Variants in RTKN2 observed in about 807,000 individuals in gnomAD.
RTKN2 encodes the protein rhotekin 2, also known as rhotekin-2.
In RTKN2, 69 loss-of-function variants were observed where a neutral mutation model predicts 71.5. The ratio of observed to expected loss-of-function variants is 0.96; its 90% CI spans 0.79 to 1.18. The LOEUF (loss-of-function observed/expected upper bound fraction) is 1.18, where lower values mean the gene tolerates loss of function less well. RTKN2 is among the 50% of genes most tolerant of loss of function. The pLI is 0.00. For missense variants in RTKN2, 724 were observed against 719.7 expected (o/e 1.01, Z -0.07); for synonymous variants, 236 against 236.5 (o/e 1.00, Z 0.02).
In RTKN2 at chr10:62,193,293, A is replaced by G. The variant is rs1244420198; in HGVS notation, c.*4615T>C. On this transcript the variant is annotated 3_prime_UTR_variant, in exon 12 of 12. Coordinates refer to ENST00000373789, the MANE Select transcript of RTKN2 (RefSeq NM_145307.4). Reference sequence around the variant, plus strand: ...AATCTACCTCTCCTTTAGTAGTTACATTAAGAGATTACCATGTCTCAAGAG... The same window carrying G: ...AATCTACCTCTCCTTTAGTAGTTACGTTAAGAGATTACCATGTCTCAAGAG... 3 of 975,208 alleles carry G rather than the reference A, an allele frequency of 3.1e-6. No homozygotes were observed. The highest frequency in any genetic ancestry group is 3.7e-6 in the Non-Finnish European group (3 of 820,716). The allele number at this position is 975,208 out of a possible 1,614,324, so 60.4% of individuals were successfully genotyped here.
chr10:62,231,142 T>C (rs1412195909), intron 6 of RTKN2, among the ~76,000 whole-genome samples: 2 of 152,178 alleles, frequency 1.3e-5, no homozygotes, highest in Non-Finnish European at 2.9e-5. Context: ...TATTATAAAA[T>C]GTAGTATTAG....
chr10:62,265,230 A>G (rs1393723779), intron 1 of RTKN2, among the ~76,000 whole-genome samples: 1 of 152,090 alleles, frequency 6.6e-6, no homozygotes, highest in Non-Finnish European at 1.5e-5. Flanking sequence ...GGGTCAGAAA[A>G]CTATGGCCTG....
intron 1 of RTKN2, among the ~76,000 whole-genome samples, chr10:62,268,312 G>A (rs1842902467): frequency 6.6e-6 from 1 of 152,242 alleles, no homozygotes; most frequent in African/African-American, 2.4e-5. Context: ...ACGCGCGCCT[G>A]GACCCCGGCA....
chr10:62,213,344 T>G (rs1841700541), intron 9 of RTKN2, among the ~76,000 whole-genome samples: 1 of 152,194 alleles, frequency 6.6e-6, no homozygotes, highest in Non-Finnish European at 1.5e-5. Flanking sequence ...ATGAGCCTCC[T>G]AACGGGAGGC....
intron 1 of RTKN2, among the ~76,000 whole-genome samples, chr10:62,265,129 T>C (rs553472995): frequency 8.5e-5 from 13 of 152,240 alleles, no homozygotes; most frequent in Admixed American, 2.0e-4. Context: ...TGTAAAAAGT[T>C]TGAAGATGAT....
chr10:62,195,991 G>T lies in RTKN2; in HGVS notation c.*1917C>A. 1 of 984,586 alleles carries T rather than the reference G, an allele frequency of 1.0e-6. No homozygotes were observed. Among genetic ancestry groups the T allele is most frequent in the African/African-American group, 1.7e-5 (1 of 57,166 alleles). The allele number at this position is 984,586 out of a possible 1,614,324, so 61.0% of individuals were successfully genotyped here. A position where few individuals can be genotyped will look rare whatever the true frequency, so the allele number is the denominator to read the frequency against. On this transcript the variant is annotated 3_prime_UTR_variant, in exon 12 of 12. Coordinates refer to ENST00000373789, the MANE Select transcript of RTKN2 (RefSeq NM_145307.4). ...TTATCTGCATGAGGAAAAATGACAA[G>T]AATATAATCTGGAAGTTTTAATACT...
intron 6 of RTKN2, among the ~76,000 whole-genome samples, chr10:62,229,395 G>A (rs1372477966): frequency 6.6e-6 from 1 of 152,128 alleles, no homozygotes; most frequent in Non-Finnish European, 1.5e-5. Flanking sequence ...CTGGTGCAAG[G>A]TCATGAAACT....
intron 6 of RTKN2, among the ~76,000 whole-genome samples, chr10:62,229,175 G>A (rs1009541756): frequency 1.8e-4 from 27 of 152,310 alleles, no homozygotes; most frequent in African/African-American, 6.5e-4. Flanking sequence ...CAAAAGAAGA[G>A]AGATGCTAGG....
At chr10:62,186,000 T>A (rs1841129170) in intron 8 of RTKN2, among the ~76,000 whole-genome samples, 1 of 152,156 alleles carries the variant, frequency 6.6e-6, no homozygotes, top group Admixed American at 6.5e-5. Flanking sequence ...CTTAGAAGAG[T>A]TAAGTTGAAC....
At position 62,217,251 on chromosome 10, in the gene RTKN2, T is replaced by TTAA; in HGVS notation, c.889-3_889-2insTTA. 1.4e-6 allele frequency: 2 copies of TTAA among 1,392,562 alleles called. No individual in the cohort carries two copies. Among genetic ancestry groups the TTAA allele is most frequent in the Non-Finnish European group, 9.2e-7 (1 of 1,082,352 alleles). 86.3% of individuals were successfully genotyped at this position (1,392,562 alleles called of 1,614,324 possible). On this transcript the variant is annotated splice_region_variant and splice_polypyrimidine_tract_variant and intron_variant, in intron 8 of 11. Coordinates refer to ENST00000373789, the MANE Select transcript of RTKN2 (RefSeq NM_145307.4). ...ACTAATCAGACCTTCTACCATTTGC[T>TTAA]GAAAAAAAAAAAAAAAAAATCAAGA...
intron 9 of RTKN2, among the ~76,000 whole-genome samples, chr10:62,214,316 G>C (rs1589345507): frequency 2.0e-5 from 3 of 152,118 alleles, no homozygotes; most frequent in African/African-American, 7.2e-5. Context: ...CAGTCCTCAA[G>C]GTCAAATGTA....
At chr10:62,228,721 C>A (rs930841856) in intron 6 of RTKN2, among the ~76,000 whole-genome samples, 1 of 152,096 alleles carries the variant, frequency 6.6e-6, no homozygotes, top group African/African-American at 2.4e-5. Context: ...GAAGTGGGCT[C>A]TAGCGCACAA....
chr10:62,234,898 G>A (rs1383897855), intron 6 of RTKN2, among the ~76,000 whole-genome samples: 1 of 152,104 alleles, frequency 6.6e-6, no homozygotes, highest in Non-Finnish European at 1.5e-5. Flanking sequence ...ATTACTGAAA[G>A]TGGGACAAAG....
At chr10:62,223,182 A>G (rs1237136073) in intron 7 of RTKN2, 56 bp downstream of exon 7, 2 of 991,014 alleles carry the variant, frequency 2.0e-6, no homozygotes, top group Non-Finnish European at 3.1e-6. Context: ...GGAACATACT[A>G]TAATTAGAAA....
intron 9 of RTKN2, among the ~76,000 whole-genome samples, chr10:62,205,950 G>A (rs1841540132): frequency 6.6e-6 from 1 of 152,136 alleles, no homozygotes; most frequent in Non-Finnish European, 1.5e-5. Flanking sequence ...CTAGGGCAAT[G>A]CTGTCCAGTA....
chr10:62,238,387 T>C (rs545903213), intron 5 of RTKN2: 1 of 152,112 alleles, frequency 6.6e-6, no homozygotes, highest in African/African-American at 2.4e-5. Context: ...AAATCATGTG[T>C]TGTCTTCCTC....
At chr10:62,243,005 T>A (rs974030412) in intron 3 of RTKN2, among the ~76,000 whole-genome samples, 172 of 152,266 alleles carry the variant, frequency 1.1e-3, no homozygotes, top group African/African-American at 4.0e-3. Context: ...TATTATACTT[T>A]AAGTTTTAGG....
chr10:62,200,334 G>C (rs980848396), intron 10 of RTKN2, among the ~76,000 whole-genome samples: 1 of 113,316 alleles, frequency 8.8e-6, no homozygotes, highest in African/African-American at 3.4e-5. Flanking sequence ...CTGCACTCCA[G>C]ACTGGGCAAC....
intron 9 of RTKN2, among the ~76,000 whole-genome samples, chr10:62,210,803 C>T (rs4592312): frequency 0.044 from 6,620 of 151,962 alleles, 448 homozygotes; most frequent in African/African-American, 0.15. Context: ...CAGATGTAAA[C>T]TCCTACAGGA....
Sources: allele counts gnomAD v4.1 joint callset (sites outside exome capture counted in the v4.1 genomes callset), GRCh38; gene constraint gnomAD v4.1.1; transcripts MANE v1.5; gene names NCBI Gene and HGNC (gene_info 2026-07-23, HGNC 2026-07-21).